The following WDR27 variants were observed in gnomAD, a reference collection of about 807,000 sequenced individuals.
WDR27 encodes WD repeat domain 27, also known as WD repeat-containing protein 27.
A neutral mutation model predicts 114.4 loss-of-function variants in WDR27; 100 were observed. That is an observed-to-expected ratio of 0.87 (90% CI 0.74 to 1.03). WDR27 has a LOEUF of 1.03. WDR27 is among the 50% of genes least tolerant of loss of function. WDR27 has a pLI of 0.00. For synonymous variants in WDR27, 449 were observed against 423.1 expected (o/e 1.06, Z -0.75); for missense variants, 1,129 against 1,092.9 (o/e 1.03, Z -0.47).
chr6:169,585,382 GC>G (rs1302830072), intron 23 of WDR27, among the ~76,000 whole-genome samples: 2 of 152,150 alleles, frequency 1.3e-5, no homozygotes, highest in African/African-American at 4.8e-5. Context: ...TCAGATGTAG[GC>G]CTTCCCAATG....
intron 1 of WDR27, among the ~76,000 whole-genome samples, chr6:169,692,310 G>A (rs1784715721): frequency 6.6e-6 from 1 of 152,202 alleles, no homozygotes; most frequent in Non-Finnish European, 1.5e-5. Context: ...AGGTCATAGG[G>A]TGAAAGAAGC....
At chr6:169,583,498 TATATATGTATATATACACACAC>T (rs1562630420) in intron 23 of WDR27, among the ~76,000 whole-genome samples, 3,531 of 31,630 alleles carry the variant, frequency 0.11, 95 homozygotes, top group Non-Finnish European at 0.21. Flanking sequence ...CATATATATA[TATATATGTATATATACACACAC>T]ACACACACAC....
At chr6:169,461,647 T>TA (rs143277767) in intron 25 of WDR27, among the ~76,000 whole-genome samples, 25,224 of 137,760 alleles carry the variant, frequency 0.18, 3,439 homozygotes, top group East Asian at 0.67. Flanking sequence ...ATGCTTGTAT[T>TA]AAAAAAAAAA....
chr6:169,597,571 C>A (rs1047121871), intron 23 of WDR27, among the ~76,000 whole-genome samples: 2 of 152,114 alleles, frequency 1.3e-5, no homozygotes, highest in Non-Finnish European at 2.9e-5. Context: ...CAGGGGTAAG[C>A]TAAGGTGTCC....
chr6:169,571,848 AC>A (rs1474753962), intron 25 of WDR27, among the ~76,000 whole-genome samples: 1 of 152,124 alleles, frequency 6.6e-6, no homozygotes, highest in Admixed American at 6.6e-5. Flanking sequence ...AAACAAACAA[AC>A]AAAAAACTAC....
chr6:169,533,461 A>G (rs1399302744), intron 25 of WDR27, among the ~76,000 whole-genome samples: 1 of 152,200 alleles, frequency 6.6e-6, no homozygotes, highest in Admixed American at 6.5e-5. Flanking sequence ...TTTCCTGAGA[A>G]AGATCCATCA....
At chr6:169,664,017 G>A (rs915554559) in intron 8 of WDR27, 149 bp downstream of exon 8, 6 of 725,404 alleles carry the variant, frequency 8.3e-6, no homozygotes, top group Admixed American at 3.4e-5. Flanking sequence ...ATGACCTGCA[G>A]GGCCTCAGTG....
chr6:169,541,351 A>T (rs185421580), intron 25 of WDR27, among the ~76,000 whole-genome samples: 78 of 152,300 alleles, frequency 5.1e-4, no homozygotes, highest in African/African-American at 1.7e-3. Flanking sequence ...ACCCACAACG[A>T]TCTACTCTGA....
chr6:169,466,819 C>T (rs1583596041), intron 25 of WDR27, among the ~76,000 whole-genome samples: 2 of 152,184 alleles, frequency 1.3e-5, no homozygotes, highest in East Asian at 3.9e-4. Flanking sequence ...CACAATCATG[C>T]TTTTCCAACA....
intron 25 of WDR27, among the ~76,000 whole-genome samples, chr6:169,499,234 C>T (rs780115894): frequency 7.9e-5 from 12 of 152,186 alleles, no homozygotes; most frequent in Admixed American, 1.3e-4. Context: ...TATGTTCTCC[C>T]GGAGCCCAGC....
intron 13 of WDR27, among the ~76,000 whole-genome samples, chr6:169,656,613 G>A (rs1824273275): frequency 6.6e-6 from 1 of 152,110 alleles, no homozygotes; most frequent in Non-Finnish European, 1.5e-5. Flanking sequence ...AGGAGGCCTG[G>A]AGGGCCCAGG....
At chr6:169,655,087 T>C (rs914323305) in intron 13 of WDR27, among the ~76,000 whole-genome samples, 1 of 152,264 alleles carries the variant, frequency 6.6e-6, no homozygotes, top group African/African-American at 2.4e-5. Flanking sequence ...GCCCTGTGGT[T>C]ACTTTGCCAC....
chr6:169,639,294 G>A (rs1028298982), intron 17 of WDR27, among the ~76,000 whole-genome samples: 4 of 152,174 alleles, frequency 2.6e-5, no homozygotes, highest in African/African-American at 7.2e-5. Flanking sequence ...CGGCCCGGCA[G>A]TGTAAAACCT....
In WDR27 at chr6:169,577,084, AG is replaced by A. The variant is rs1320815420; in HGVS notation, c.2524-4545del. On this transcript the variant is annotated intron_variant, in intron 24 of 25. Transcript: ENST00000448612. The stretch of plus-strand genomic sequence containing the variant: ...CCTCTCAAATATGCTCAAAAAGAAA[AG>A]GAAAAAAAAAAAAGAGTTACGTGGG... Among the ~76,000 whole-genome samples the A allele has an allele frequency of 4.4e-4, 58 of 132,310 alleles. 2 individuals are homozygous for A. Among genetic ancestry groups the A allele is most frequent in the South Asian group, 1.1e-3 (4 of 3,632 alleles). 86.8% of individuals were successfully genotyped at this position (132,310 alleles called of 152,430 possible). A position where few individuals can be genotyped will look rare whatever the true frequency, so the allele number is the denominator to read the frequency against.
At chr6:169,612,664 C>A (rs564334616) in intron 22 of WDR27, among the ~76,000 whole-genome samples, 75 of 139,390 alleles carry the variant, frequency 5.4e-4, no homozygotes, top group South Asian at 1.7e-3. Context: ...GCAATGTCTT[C>A]TTCTGGACAC....
intron 24 of WDR27, among the ~76,000 whole-genome samples, chr6:169,577,974 C>A (rs994261803): frequency 2.0e-5 from 3 of 152,150 alleles, no homozygotes; most frequent in Non-Finnish European, 2.9e-5. Context: ...ACTGAGTGAG[C>A]CAATTCACAT....
intron 25 of WDR27, among the ~76,000 whole-genome samples, chr6:169,524,267 A>G (rs935397382): frequency 5.9e-5 from 9 of 152,120 alleles, no homozygotes; most frequent in African/African-American, 2.2e-4. Flanking sequence ...TAAAACAATG[A>G]TGAAAGAAAC....
intron 25 of WDR27, among the ~76,000 whole-genome samples, chr6:169,500,617 G>A (rs2997883): frequency 0.45 from 68,550 of 151,990 alleles, 18,934 homozygotes; most frequent in Non-Finnish European, 0.63. Context: ...TGGAGGAGGG[G>A]CAATGAGTAC....
intron 21 of WDR27, among the ~76,000 whole-genome samples, chr6:169,615,728 T>C (rs576063954): frequency 2.0e-5 from 3 of 152,202 alleles, no homozygotes; most frequent in Non-Finnish European, 4.4e-5. Flanking sequence ...CTGGCAAAGA[T>C]TTCATGACAA....
Sources: allele counts gnomAD v4.1 joint callset (sites outside exome capture counted in the v4.1 genomes callset), GRCh38; gene constraint gnomAD v4.1.1; transcripts MANE v1.5; gene names NCBI Gene and HGNC (gene_info 2026-07-23, HGNC 2026-07-21).